The following PTPRR variants were observed in gnomAD, a reference collection of about 807,000 sequenced individuals.
PTPRR encodes protein tyrosine phosphatase receptor type R.
A neutral mutation model predicts 77.2 loss-of-function variants in PTPRR; 38 were observed. That is an observed-to-expected ratio of 0.49 (90% CI 0.38 to 0.65). PTPRR has a LOEUF of 0.65. Ranked by LOEUF, PTPRR falls within the 30% of genes least tolerant of loss-of-function variation. PTPRR has a pLI of 0.00. For synonymous variants in PTPRR, 299 were observed against 283.1 expected, an observed-to-expected ratio of 1.06 and a Z score of -0.57; for missense variants, 744 against 799.2, an observed-to-expected ratio of 0.93 and a Z score of 0.83.
intron 13 of PTPRR, among the ~76,000 whole-genome samples, chr12:70,651,130 T>C (rs1207703798): frequency 6.6e-6 from 1 of 152,220 alleles, no homozygotes; most frequent in African/African-American, 2.4e-5. Context: ...GCCATGAGCT[T>C]ATCTAACAGT....
chr12:70,862,169 G>C (rs1892763552), intron 2 of PTPRR, among the ~76,000 whole-genome samples: 1 of 152,004 alleles, frequency 6.6e-6, no homozygotes, highest in Non-Finnish European at 1.5e-5. Flanking sequence ...ATTCTCCAAG[G>C]CCTACTGAAA....
At chr12:70,746,209 C>T in intron 5 of PTPRR, 123 bp from the exon 6 acceptor site, 1 of 898,932 alleles carries the variant, frequency 1.1e-6, no homozygotes, top group Non-Finnish European at 1.7e-6. Flanking sequence ...TAAACAAAGC[C>T]CTCTGAGAGA....
intron 1 of PTPRR, chr12:70,906,823 C>T (rs1893630452): frequency 6.6e-6 from 1 of 151,954 alleles, no homozygotes; most frequent in Non-Finnish European, 1.5e-5. Context: ...AAAAAAAAAT[C>T]AGTTTCTACG....
intron 2 of PTPRR, among the ~76,000 whole-genome samples, chr12:70,884,744 C>A (rs1202623342): frequency 6.8e-6 from 1 of 146,424 alleles, no homozygotes; most frequent in African/African-American, 2.7e-5. Context: ...TAGTGGCGGG[C>A]GCCTGTAGTC....
chr12:70,898,141 T>C (rs1893465840), intron 1 of PTPRR, among the ~76,000 whole-genome samples: 1 of 147,768 alleles, frequency 6.8e-6, no homozygotes, highest in Admixed American at 6.9e-5. Context: ...ATCCTAAAAC[T>C]TAAAGTATAA....
intron 2 of PTPRR, among the ~76,000 whole-genome samples, chr12:70,804,909 T>C (rs548199984): frequency 6.6e-6 from 1 of 152,248 alleles, no homozygotes; most frequent in East Asian, 1.9e-4. Context: ...ATTGTGAAAA[T>C]TTGAAAAAAC....
chr12:70,899,912 G>C (rs1893501707), intron 1 of PTPRR, among the ~76,000 whole-genome samples: 1 of 151,230 alleles, frequency 6.6e-6, no homozygotes, highest in Non-Finnish European at 1.5e-5. Flanking sequence ...TTGAAAACTA[G>C]AAGTAAAAAA....
intron 6 of PTPRR, among the ~76,000 whole-genome samples, chr12:70,718,850 G>A (rs754754011): frequency 2.6e-5 from 4 of 152,172 alleles, no homozygotes; most frequent in Non-Finnish European, 5.9e-5. Context: ...TTTTGCACAT[G>A]CTTGAAATAT....
At chr12:70,916,544 ATCT>A (rs1419625761) in intron 1 of PTPRR, among the ~76,000 whole-genome samples, 1 of 151,972 alleles carries the variant, frequency 6.6e-6, no homozygotes, top group African/African-American at 2.4e-5. Flanking sequence ...CATCTCCCAG[ATCT>A]TCTTGGCACC....
At chr12:70,773,111 T>C (rs929491902) in intron 2 of PTPRR, among the ~76,000 whole-genome samples, 2 of 152,290 alleles carry the variant, frequency 1.3e-5, no homozygotes, top group African/African-American at 4.8e-5. Context: ...TGTCTTCACG[T>C]CTTCCCTCTG....
At chr12:70,873,318 A>C (rs1892993269) in intron 2 of PTPRR, among the ~76,000 whole-genome samples, 1 of 152,210 alleles carries the variant, frequency 6.6e-6, no homozygotes, top group Admixed American at 6.5e-5. Flanking sequence ...AGGGTGATGG[A>C]ACCCTGAGAG....
chr12:70,726,671 C>T (rs1019248686), intron 6 of PTPRR, among the ~76,000 whole-genome samples: 11 of 151,680 alleles, frequency 7.3e-5, no homozygotes, highest in African/African-American at 2.4e-4. Flanking sequence ...ACCTCCACCT[C>T]CTGAGTTCAA....
intron 2 of PTPRR, among the ~76,000 whole-genome samples, chr12:70,769,385 A>C (rs532435674): frequency 6.6e-6 from 1 of 152,178 alleles, no homozygotes; most frequent in Admixed American, 6.5e-5. Flanking sequence ...CAGAGAGCCA[A>C]ATCATGAGTG....
rs926978229 is a variant in PTPRR, at chr12:70,684,218, A to G, written c.1406T>C (p.Met469Thr). ...EKAFIATQGP[M>T]INTVDDFWQM... is the part of the protein sequence containing the mutation. The stretch of plus-strand genomic sequence containing the variant: ...CCAGAAATCATCCACGGTGTTGATC[A>G]TGGGGCCCTGCGTGGCAATGAAGGC... Residue 469 changes from methionine to threonine, a missense_variant, in exon 10 of 14, where the codon ATG becomes ACG. Transcript: ENST00000283228. The G allele has an allele frequency of 1.2e-6, 2 of 1,613,286 alleles. No individual in the cohort carries two copies. The highest frequency in any genetic ancestry group is 1.3e-5 in the African/African-American group (1 of 74,700).
At chr12:70,866,345 G>A (rs577056155) in intron 2 of PTPRR, among the ~76,000 whole-genome samples, 8 of 151,762 alleles carry the variant, frequency 5.3e-5, no homozygotes, top group Middle Eastern at 3.4e-3. Flanking sequence ...AATGATAAAG[G>A]GGATATCACC....
chr12:70,781,557 T>A (rs1342059137), intron 2 of PTPRR, among the ~76,000 whole-genome samples: 2 of 152,220 alleles, frequency 1.3e-5, no homozygotes, highest in African/African-American at 4.8e-5. Context: ...TATAGGTGCA[T>A]TCTGTACAAC....
Position 70,669,365 on chromosome 12 carries a change from C to T in PTPRR, c.1498-6760G>A, listed in dbSNP as rs1044044881. ...CTGAAGTCAAGCTCTCACTTACTCC[C>T]ATTCGATGAGAAACTAAGCACTGTG... On this transcript the variant is annotated intron_variant, in intron 10 of 13. Transcript: ENST00000283228. 1.1e-4 allele frequency among the ~76,000 whole-genome samples: 16 copies of T among 152,114 alleles called. No individual in the cohort carries two copies. The East Asian group carries it at 3.1e-3, about 29-fold the overall frequency.
intron 2 of PTPRR, among the ~76,000 whole-genome samples, chr12:70,771,855 A>G (rs182453415): frequency 2.0e-5 from 3 of 152,326 alleles, no homozygotes; most frequent in African/African-American, 7.2e-5. Context: ...ATGAGGTGCA[A>G]GAATACATTT....
Position 70,920,332 on chromosome 12 carries a change from C to T in PTPRR, c.58+1G>A, listed in dbSNP as rs1362898621. ...CGGCTCTAAGCCTGGCAACCCCTTACCTGCAGCGTGAAGATTAAGGAGCAG... is the reference window on the plus strand; with the variant it reads ...CGGCTCTAAGCCTGGCAACCCCTTATCTGCAGCGTGAAGATTAAGGAGCAG... On this transcript the variant is annotated splice_donor_variant, in intron 1 of 13. Coordinates refer to ENST00000283228, the MANE Select transcript of PTPRR (RefSeq NM_002849.4). LOFTEE classifies it high-confidence loss of function. The T allele has an allele frequency of 6.2e-7, 1 of 1,613,638 alleles. No individual in the cohort carries two copies. The highest frequency in any genetic ancestry group is 1.3e-5 in the African/African-American group (1 of 75,024).
Sources: gnomAD v4.1 joint callset for allele counts (sites outside exome capture counted in the v4.1 genomes callset) on GRCh38, gnomAD v4.1.1 for gene constraint, MANE v1.5 for transcripts, NCBI Gene and HGNC (gene_info 2026-07-23, HGNC 2026-07-21) for gene names.